The following RAD18 variants were observed in gnomAD, a reference collection of about 807,000 sequenced individuals.
The protein encoded by RAD18 is RAD18 E3 ubiquitin protein ligase, also known as E3 ubiquitin-protein ligase RAD18.
RAD18 carries 47 observed loss-of-function variants against 60.4 expected under a neutral mutation model. The observed-to-expected ratio is 0.78, with a 90% CI of 0.62 to 0.99. The LOEUF is 0.99. Ranked by LOEUF, RAD18 falls within the 50% of genes least tolerant of loss-of-function variation. RAD18 has a pLI of 0.00. For missense variants in RAD18, 640 were observed against 593.3 expected, an observed-to-expected ratio of 1.08 and a Z score of -0.82; for synonymous variants, 225 against 195.5, an observed-to-expected ratio of 1.15 and a Z score of -1.26.
chr3:8,905,013 A>G (rs986439360), intron 9 of RAD18, among the ~76,000 whole-genome samples: 1 of 152,236 alleles, frequency 6.6e-6, no homozygotes, highest in African/African-American at 2.4e-5. Context: ...GAGAATTCCA[A>G]TAACCCCTAC....
intron 6 of RAD18, among the ~76,000 whole-genome samples, chr3:8,939,001 G>A (rs887745139): frequency 6.6e-6 from 1 of 152,126 alleles, no homozygotes; most frequent in Admixed American, 6.5e-5. Context: ...ATACTGAGCT[G>A]ACAATTTATT....
At chr3:8,929,348 C>A (rs1223906381) in intron 7 of RAD18, among the ~76,000 whole-genome samples, 4 of 151,792 alleles carry the variant, frequency 2.6e-5, no homozygotes, top group South Asian at 4.2e-4. Context: ...ATAGGTAGAA[C>A]AATCAGGAAA....
chr3:8,923,235 G>C (rs1462635735), intron 7 of RAD18, among the ~76,000 whole-genome samples: 2 of 152,180 alleles, frequency 1.3e-5, no homozygotes, highest in African/African-American at 4.8e-5. Context: ...TGATGGAGCT[G>C]AAAACCATGG....
intron 11 of RAD18, among the ~76,000 whole-genome samples, chr3:8,898,550 T>C (rs1409857442): frequency 6.6e-6 from 1 of 152,216 alleles, no homozygotes; most frequent in Non-Finnish European, 1.5e-5. Flanking sequence ...GCGCCATGTC[T>C]TTCTGATCAT....
intron 12 of RAD18, chr3:8,890,088 T>C: frequency 2.8e-6 from 1 of 355,080 alleles, no homozygotes; most frequent in East Asian, 5.8e-5. Flanking sequence ...AACAATGAAA[T>C]CACATTTCTC....
chr3:8,936,849 T>C (rs369419674), intron 6 of RAD18, among the ~76,000 whole-genome samples: 139 of 152,320 alleles, frequency 9.1e-4, no homozygotes, highest in African/African-American at 3.1e-3. Context: ...AGGTCTGAAG[T>C]GGAGCTCTAA....
At chr3:8,922,288 A>G (rs1174467743) in intron 7 of RAD18, among the ~76,000 whole-genome samples, 1 of 152,196 alleles carries the variant, frequency 6.6e-6, no homozygotes, top group Non-Finnish European at 1.5e-5. Flanking sequence ...CCAGGAGATT[A>G]TATCCCGTGC....
At chr3:8,925,433 A>G (rs1940416121) in intron 7 of RAD18, among the ~76,000 whole-genome samples, 2 of 152,170 alleles carry the variant, frequency 1.3e-5, no homozygotes, top group Non-Finnish European at 2.9e-5. Context: ...CCTACCAACC[A>G]AAAAAAGTCC....
chr3:8,898,149 TG>T (rs1221485381), intron 11 of RAD18, among the ~76,000 whole-genome samples: 1 of 151,856 alleles, frequency 6.6e-6, no homozygotes, highest in African/African-American at 2.4e-5. Context: ...AGTAGAACAC[TG>T]GGAAAAATGT....
At chr3:8,915,308 T>C (rs1293692855) in intron 7 of RAD18, among the ~76,000 whole-genome samples, 1 of 152,132 alleles carries the variant, frequency 6.6e-6, no homozygotes, top group African/African-American at 2.4e-5. Flanking sequence ...TATAAAACTA[T>C]AATTTTTCTT....
intron 6 of RAD18, among the ~76,000 whole-genome samples, chr3:8,938,774 C>T (rs192216765): frequency 1.1e-3 from 163 of 152,250 alleles, no homozygotes; most frequent in African/African-American, 3.7e-3. Context: ...CACTGCTTCT[C>T]CAAACTACCA....
chr3:8,898,835 T>A (rs543217530), intron 11 of RAD18, 59 bp downstream of exon 11: 2 of 1,337,512 alleles, frequency 1.5e-6, no homozygotes, highest in Non-Finnish European at 1.0e-6. Context: ...TCTGCCTATC[T>A]ATCTACATGT....
intron 7 of RAD18, among the ~76,000 whole-genome samples, chr3:8,930,617 A>G (rs629446): frequency 0.68 from 103,814 of 152,004 alleles, 36,067 homozygotes; most frequent in Middle Eastern, 0.77. Context: ...TCATATCACA[A>G]AATAAATAAA....
chr3:8,902,501 T>C lies in RAD18; in HGVS notation c.1047A>G (p.Glu349=). ...TAGCCTGATCCACCAGAAGCTGAAA[T>C]TCACTCTTATGTTTTTTACCTGAAA... The part of the protein sequence containing the change: ...HSKYRKKHKS[E]FQLLVDQARK... The change falls in exon 10 of 13, where the codon GAA becomes GAG. Residue 349 remains glutamate, a synonymous_variant. Coordinates refer to ENST00000264926, the MANE Select transcript of RAD18 (RefSeq NM_020165.4). The C allele has an allele frequency of 6.2e-7, 1 of 1,603,992 alleles. No homozygotes were observed.
intron 11 of RAD18, among the ~76,000 whole-genome samples, chr3:8,891,322 C>T (rs1444340177): frequency 6.6e-6 from 1 of 151,836 alleles, no homozygotes; most frequent in Non-Finnish European, 1.5e-5. Flanking sequence ...CCACAACACA[C>T]ACAATTTTTT....
chr3:8,924,271 G>A (rs1374886344), intron 7 of RAD18, among the ~76,000 whole-genome samples: 2 of 149,886 alleles, frequency 1.3e-5, no homozygotes, highest in African/African-American at 4.9e-5. Context: ...CCTAGTCTCT[G>A]ATAAAACAGA....
At position 8,877,581 on chromosome 3, in the gene RAD18, T is replaced by G. The variant is rs933141967; in HGVS notation, c.*3776A>C. On this transcript the variant is annotated 3_prime_UTR_variant, in exon 13 of 13. Transcript: ENST00000264926. ...TCAAGCTTTCTATGGCAAGAGTTTA[T>G]AGGCAAAAACAAAATCCGTCCATTG... is the stretch of plus-strand genomic sequence containing the variant. 4 of 152,222 alleles carry G rather than the reference T, an allele frequency of 2.6e-5. No individual in the cohort carries two copies. Among genetic ancestry groups the G allele is most frequent in the Non-Finnish European group, 4.4e-5 (3 of 68,050 alleles). The allele number at this position is 152,222 out of a possible 1,614,324, so 9.4% of individuals were successfully genotyped here.
At chr3:8,952,282 C>T (rs1333227649) in intron 2 of RAD18, among the ~76,000 whole-genome samples, 1 of 152,174 alleles carries the variant, frequency 6.6e-6, no homozygotes, top group Non-Finnish European at 1.5e-5. Flanking sequence ...ATGGATGAGA[C>T]TCAAGGTATG....
At chr3:8,924,430 C>A (rs1321610441) in intron 7 of RAD18, among the ~76,000 whole-genome samples, 3 of 137,058 alleles carry the variant, frequency 2.2e-5, no homozygotes, top group African/African-American at 8.4e-5. Context: ...TAGAGACCTA[C>A]AAAGAGACTT....
Sources: gnomAD v4.1 joint callset for allele counts (sites outside exome capture counted in the v4.1 genomes callset) on GRCh38, gnomAD v4.1.1 for gene constraint, MANE v1.5 for transcripts, NCBI Gene and HGNC (gene_info 2026-07-23, HGNC 2026-07-21) for gene names.